The following PCDHGA6 variants were observed in gnomAD, a reference collection of about 807,000 sequenced individuals.
PCDHGA6 encodes protocadherin gamma subfamily A, 6, also known as protocadherin gamma-A6.
A neutral mutation model predicts 60.6 loss-of-function variants in PCDHGA6; 41 were observed. The observed-to-expected ratio is 0.68, with a 90% CI of 0.53 to 0.88. The LOEUF is 0.88. Ranked by LOEUF, PCDHGA6 falls within the 40% of genes least tolerant of loss-of-function variation. The pLI is 0.00. For synonymous variants in PCDHGA6, 594 were observed against 524.4 expected, an observed-to-expected ratio of 1.13 and a Z score of -1.81; for missense variants, 1,312 against 1,203.0, an observed-to-expected ratio of 1.09 and a Z score of -1.34.
rs371346343 is a variant in PCDHGA6, at chr5:141,375,105, A to G, written c.1022A>G (p.Asn341Ser). 56 of 1,613,840 alleles carry G rather than the reference A, an allele frequency of 3.5e-5. No homozygotes were observed. Among genetic ancestry groups the G allele is most frequent in the East Asian group, 3.1e-4 (14 of 44,888 alleles). The change falls in exon 1 of 4, where the codon AAT becomes AGT. Residue 341 changes from asparagine to serine, a missense_variant. Physicochemically the swap from Asn to Ser is conservative, Grantham distance 46. Coordinates refer to ENST00000517434, the MANE Select transcript of PCDHGA6 (RefSeq NM_018919.3). ...GTCTTAATAACTATCTTGGATGTCA[A>G]TGATAATGTACCAGAAGTGGTTGTT... ...AKVLITILDV[N>S]DNVPEVVVTS...
intron 1 of PCDHGA6, among the ~76,000 whole-genome samples, chr5:141,468,952 G>GTT (rs34870721): frequency 3.3e-5 from 5 of 151,198 alleles, no homozygotes; most frequent in Admixed American, 6.6e-5. Flanking sequence ...TAAACCTGTG[G>GTT]TTTTTTTTAC....
rs765534200 is a variant in PCDHGA6 at position 141,410,067 on chromosome 5, G to A, written c.2424+33560G>A. 8.1e-6 allele frequency: 13 copies of A among 1,612,846 alleles called. No individual in the cohort carries two copies. In the South Asian group the frequency reaches 1.3e-4, roughly 16 times the overall value. ...CCCGGACTCTTCAGCCTGGGGCTGC[G>A]CACTGGGGAGGTGCGCACGGCTCGA... is the stretch of plus-strand genomic sequence containing the variant. On this transcript the variant is annotated intron_variant, in intron 1 of 3. Transcript: ENST00000517434.
chr5:141,427,161 G>A (rs1561826750), intron 1 of PCDHGA6: 1 of 456,698 alleles, frequency 2.2e-6, no homozygotes, highest in Non-Finnish European at 4.4e-6. Flanking sequence ...GTTTGTGCTA[G>A]ACCATCAAAA....
Position 141,491,547 on chromosome 5 carries a change from G to A in PCDHGA6, c.2425-3260G>A. On this transcript the variant is annotated intron_variant, in intron 1 of 3. Transcript: ENST00000517434. This position sits in a 1 kb window ranked among gnomAD's most constrained non-coding sequence, Gnocchi z 6.9. ...AGGTGACGCTGCGGCCCACAGACTC[G>A]CAGAGCCACTGCTACAGGACGTGCT... is the stretch of plus-strand genomic sequence containing the variant. The A allele has an allele frequency of 4.3e-6, 7 of 1,613,974 alleles. No individual in the cohort carries two copies. The highest frequency in any genetic ancestry group is 5.9e-6 in the Non-Finnish European group (7 of 1,180,022).
chr5:141,400,037 G>A, intron 1 of PCDHGA6: 4 of 1,613,246 alleles, frequency 2.5e-6, no homozygotes, highest in African/African-American at 1.3e-5. Context: ...GCCCGCCAGC[G>A]CCTGCTGGTT....
intron 1 of PCDHGA6, chr5:141,409,740 T>C: frequency 6.2e-7 from 1 of 1,612,820 alleles, no homozygotes; most frequent in Non-Finnish European, 8.5e-7. Context: ...CAGAGCGGGG[T>C]GGTGTTCGCG....
chr5:141,406,257 C>T (rs1180988990), intron 1 of PCDHGA6, among the ~76,000 whole-genome samples: 1 of 151,898 alleles, frequency 6.6e-6, no homozygotes, highest in African/African-American at 2.4e-5. Context: ...TGGTCTCAAA[C>T]GATCTTCCTG....
chr5:141,408,108 A>T, intron 1 of PCDHGA6: 1 of 1,441,874 alleles, frequency 6.9e-7, no homozygotes, highest in Non-Finnish European at 9.1e-7. Flanking sequence ...GAGACCCGGG[A>T]CTCCTCCTGT....
intron 1 of PCDHGA6, chr5:141,404,242 G>T (rs372976589): frequency 1.2e-6 from 2 of 1,613,462 alleles, no homozygotes; most frequent in Non-Finnish European, 1.7e-6. Flanking sequence ...GAGGAACTCC[G>T]CCCCTGTCCA....
Position 141,432,587 on chromosome 5 carries a change from A to C in PCDHGA6, c.2424+56080A>C. ...CGCCTGGCTGTCCTACCGTCTGCTC[A>C]AGGCCAGCGAGCCGGGACTCTTCTC... On this transcript the variant is annotated intron_variant, in intron 1 of 3. Transcript: ENST00000517434. This position sits in a 1 kb window ranked among gnomAD's most constrained non-coding sequence, Gnocchi z 6.0. 1.9e-6 allele frequency: 3 copies of C among 1,613,250 alleles called. No individual in the cohort carries two copies. Among genetic ancestry groups the C allele is most frequent in the Non-Finnish European group, 2.5e-6 (3 of 1,179,918 alleles).
intron 1 of PCDHGA6, chr5:141,394,624 T>C (rs542816387): frequency 6.2e-7 from 1 of 1,613,110 alleles, no homozygotes; most frequent in African/African-American, 1.3e-5. Flanking sequence ...AACGCCTGGC[T>C]GTCCTACCGC....
intron 1 of PCDHGA6, chr5:141,404,086 G>A: frequency 6.2e-7 from 1 of 1,613,630 alleles, no homozygotes; most frequent in Non-Finnish European, 8.5e-7. Flanking sequence ...ACTCCGGGAA[G>A]AATGGTCAAG....
intron 1 of PCDHGA6, chr5:141,441,799 G>C (rs546770596): frequency 2.6e-6 from 1 of 385,350 alleles, no homozygotes; most frequent in Non-Finnish European, 5.2e-6. Context: ...AACGCACCGC[G>C]GGTGCTGTAC....
chr5:141,421,082 C>A, intron 1 of PCDHGA6: 1 of 640,114 alleles, frequency 1.6e-6, no homozygotes, highest in Non-Finnish European at 2.6e-6. Flanking sequence ...TGGATACTCA[C>A]AGATCCTGAC....
chr5:141,455,364 G>C (rs2098820282), intron 1 of PCDHGA6, among the ~76,000 whole-genome samples: 1 of 152,252 alleles, frequency 6.6e-6, no homozygotes, highest in South Asian at 2.1e-4. Flanking sequence ...TAGGCAAGAA[G>C]GAAGGGAGAA....
intron 1 of PCDHGA6, among the ~76,000 whole-genome samples, chr5:141,475,250 A>G (rs941738675): frequency 6.6e-6 from 1 of 152,246 alleles, no homozygotes; most frequent in Non-Finnish European, 1.5e-5. Context: ...AGTGTGCTCT[A>G]CAACTGAGAT....
chr5:141,421,530 C>A, intron 1 of PCDHGA6: 1 of 1,614,040 alleles, frequency 6.2e-7, no homozygotes, highest in Non-Finnish European at 8.5e-7. Context: ...AGACGGTGTC[C>A]TCCTGTTTTT....
intron 1 of PCDHGA6, chr5:141,440,169 C>A (rs891186588): frequency 1.3e-5 from 2 of 152,218 alleles, no homozygotes; most frequent in Non-Finnish European, 2.9e-5. Flanking sequence ...TGGGCCATAA[C>A]GCTTTGAAAT....
chr5:141,404,075 G>C (rs2154534954), intron 1 of PCDHGA6: 2 of 1,613,660 alleles, frequency 1.2e-6, no homozygotes, highest in East Asian at 2.2e-5. Flanking sequence ...TCATGACCGA[G>C]ACTCCGGGAA....
Sources: gnomAD v4.1 joint callset for allele counts (sites outside exome capture counted in the v4.1 genomes callset) on GRCh38, gnomAD v4.1.1 for gene constraint, Gnocchi (gnomAD v3.1) non-coding constraint, MANE v1.5 for transcripts, NCBI Gene and HGNC (gene_info 2026-07-23, HGNC 2026-07-21) for gene names.